SHISA9: variants seen among roughly 807,000 people sequenced by gnomAD.
The protein encoded by SHISA9 is protein shisa-9.
SHISA9 carries 13 observed loss-of-function variants against 38.0 expected under a neutral mutation model. The observed-to-expected ratio is 0.34, with a 90% CI of 0.22 to 0.54. The LOEUF is 0.54. Ranked by LOEUF, SHISA9 falls within the 20% of genes least tolerant of loss-of-function variation. The pLI is 0.91. For missense variants in SHISA9, 538 were observed against 575.8 expected, an observed-to-expected ratio of 0.93 and a Z score of 0.67; for synonymous variants, 275 against 242.0, an observed-to-expected ratio of 1.14 and a Z score of -1.27.
chr16:12,914,024 TATTTC>T (rs1179314340), intron 1 of SHISA9, among the ~76,000 whole-genome samples: 3 of 151,384 alleles, frequency 2.0e-5, no homozygotes, highest in African/African-American at 7.3e-5. Context: ...CTCGTTTATT[TATTTC>T]TTTTTTGTTT....
intron 2 of SHISA9, among the ~76,000 whole-genome samples, chr16:12,946,893 A>C: frequency 6.6e-6 from 1 of 152,234 alleles, no homozygotes. Flanking sequence ...ATTGTAAATT[A>C]AGTTTTACTA....
At chr16:13,311,297 G>T in the SHISA9 span, among the ~76,000 whole-genome samples, 1 of 151,492 alleles carries the variant, frequency 6.6e-6, no homozygotes. Flanking sequence ...TTAAATTTCC[G>T]CTAAAGAATA....
chr16:13,082,256 C>T (rs1469430529), intron 2 of SHISA9: 1 of 152,194 alleles, frequency 6.6e-6, no homozygotes, highest in African/African-American at 2.4e-5. Flanking sequence ...GCAAAACATT[C>T]TGGCTTAAAT....
At chr16:13,028,035 G>A (rs980221471) in intron 2 of SHISA9, among the ~76,000 whole-genome samples, 3 of 151,778 alleles carry the variant, frequency 2.0e-5, no homozygotes, top group Admixed American at 6.6e-5. Context: ...AAAGGTAGAC[G>A]GTGGCTGCTT....
chr16:13,179,882 A>G (rs2142029896), intron 2 of SHISA9, among the ~76,000 whole-genome samples: 1 of 152,290 alleles, frequency 6.6e-6, no homozygotes. Context: ...CTGTGTTGAG[A>G]GCAGGATTGA....
At chr16:13,010,571 T>G (rs1468836317) in intron 2 of SHISA9, among the ~76,000 whole-genome samples, 2 of 152,220 alleles carry the variant, frequency 1.3e-5, no homozygotes, top group African/African-American at 4.8e-5. Context: ...ATTATAGGTC[T>G]TTTTCTCATT....
chr16:13,016,815 TGTG>T (rs534860572), intron 2 of SHISA9, among the ~76,000 whole-genome samples: 118 of 152,336 alleles, frequency 7.7e-4, no homozygotes, highest in Non-Finnish European at 1.5e-3. Flanking sequence ...GACATGTTGT[TGTG>T]GTACTTTTTA....
chr16:13,172,174 C>T (rs966959737), intron 2 of SHISA9, among the ~76,000 whole-genome samples: 2 of 152,046 alleles, frequency 1.3e-5, no homozygotes, highest in African/African-American at 4.8e-5. Context: ...TCAATAGGTA[C>T]TCTTCTTTGT....
At chr16:13,433,259 A>C in the SHISA9 span, among the ~76,000 whole-genome samples, 94 of 152,310 alleles carry the variant, frequency 6.2e-4, no homozygotes, top group Middle Eastern at 3.4e-3. Flanking sequence ...CTTCAGATCC[A>C]CCATTTAACT....
intron 2 of SHISA9, among the ~76,000 whole-genome samples, chr16:13,131,431 T>C (rs182468939): frequency 6.6e-6 from 1 of 151,950 alleles, no homozygotes; most frequent in East Asian, 2.0e-4. Context: ...CATGGACACA[T>C]GGCAGGGGTG....
chr16:13,252,918 T>C, the SHISA9 span, among the ~76,000 whole-genome samples: 1 of 152,104 alleles, frequency 6.6e-6, no homozygotes, highest in Admixed American at 6.5e-5. Context: ...CATTTATACT[T>C]GCATTTTCTT....
At chr16:13,521,200 C>G in the SHISA9 span, among the ~76,000 whole-genome samples, 1 of 152,172 alleles carries the variant, frequency 6.6e-6, no homozygotes, top group African/African-American at 2.4e-5. Context: ...TCTTCCTGAT[C>G]TTTCTCTAAT....
At chr16:13,326,523 C>T in the SHISA9 span, among the ~76,000 whole-genome samples, 1 of 152,136 alleles carries the variant, frequency 6.6e-6, no homozygotes, top group Non-Finnish European at 1.5e-5. Flanking sequence ...GAGTTCGAGA[C>T]CAGCCTGGCC....
chr16:13,339,433 A>G, the SHISA9 span, among the ~76,000 whole-genome samples: 2 of 152,268 alleles, frequency 1.3e-5, no homozygotes, highest in African/African-American at 2.4e-5. Context: ...TTCAGTTACA[A>G]TCTGCTGTCT....
chr16:13,154,742 G>A (rs2050528616), intron 2 of SHISA9, among the ~76,000 whole-genome samples: 1 of 152,232 alleles, frequency 6.6e-6, no homozygotes, highest in Non-Finnish European at 1.5e-5. Flanking sequence ...GAGCACCAAA[G>A]TGGTCTTGGT....
At chr16:13,126,475 A>G (rs574871924) in intron 2 of SHISA9, among the ~76,000 whole-genome samples, 1 of 147,010 alleles carries the variant, frequency 6.8e-6, no homozygotes, top group Non-Finnish European at 1.5e-5. Flanking sequence ...ATGGAGAGGG[A>G]AGGAAGGATG....
At chr16:13,091,296 C>T (rs758731766) in intron 2 of SHISA9, among the ~76,000 whole-genome samples, 8 of 152,172 alleles carry the variant, frequency 5.3e-5, no homozygotes, top group East Asian at 3.9e-4. Flanking sequence ...CTCTTCTCGA[C>T]GAGTATCTTT....
chr16:13,371,050 C>A, the SHISA9 span, among the ~76,000 whole-genome samples: 1 of 152,116 alleles, frequency 6.6e-6, no homozygotes, highest in Non-Finnish European at 1.5e-5. Flanking sequence ...CTGATTCTGT[C>A]GACTCCACTA....
At chr16:13,012,198 C>T (rs1177580538) in intron 2 of SHISA9, among the ~76,000 whole-genome samples, 1 of 152,068 alleles carries the variant, frequency 6.6e-6, no homozygotes, top group Non-Finnish European at 1.5e-5. Flanking sequence ...CTGTGTCTGG[C>T]TTATTTCCCT....
Sources: allele counts gnomAD v4.1 joint callset (sites outside exome capture counted in the v4.1 genomes callset), GRCh38; gene constraint gnomAD v4.1.1; transcripts MANE v1.5; gene names NCBI Gene and HGNC (gene_info 2026-07-23, HGNC 2026-07-21).